The following SEPTIN9 variants were observed in gnomAD, a reference collection of about 807,000 sequenced individuals.
SEPTIN9 encodes septin-9.
In SEPTIN9, 13 loss-of-function variants were observed where a neutral mutation model predicts 56.6. The ratio of observed to expected loss-of-function variants is 0.23; its 90% CI spans 0.15 to 0.37. The LOEUF (loss-of-function observed/expected upper bound fraction) is 0.37. Ranked by LOEUF, SEPTIN9 falls within the 10% of genes least tolerant of loss-of-function variation. The probability of loss-of-function intolerance (pLI) is 1.00; values close to 1 mark genes in which losing one functional copy is unlikely to be tolerated. For missense variants in SEPTIN9, 650 were observed against 823.1 expected, an observed-to-expected ratio of 0.79 and a Z score of 2.57; for synonymous variants, 332 against 334.1, an observed-to-expected ratio of 0.99 and a Z score of 0.07.
intron 4 of SEPTIN9, chr17:77,482,708 A>G (rs1174468115): frequency 1.7e-6 from 1 of 583,622 alleles, no homozygotes; most frequent in African/African-American, 2.1e-5. Flanking sequence ...CAGGCTCCCC[A>G]CCGCACCCCA....
intron 2 of SEPTIN9, among the ~76,000 whole-genome samples, chr17:77,386,711 A>G (rs1234627362): frequency 6.6e-6 from 1 of 152,130 alleles, no homozygotes; most frequent in Non-Finnish European, 1.5e-5. Context: ...TTCCTGCCCC[A>G]GGGGGCTGGG....
intron 2 of SEPTIN9, among the ~76,000 whole-genome samples, chr17:77,322,444 C>A (rs2032972407): frequency 6.6e-6 from 1 of 152,214 alleles, no homozygotes; most frequent in African/African-American, 2.4e-5. Flanking sequence ...AGAAAACGTA[C>A]ATTTTTAGAA....
chr17:77,370,392 T>C (rs1164587546), intron 2 of SEPTIN9, among the ~76,000 whole-genome samples: 3 of 152,246 alleles, frequency 2.0e-5, no homozygotes, highest in Non-Finnish European at 2.9e-5. Context: ...CTTTCTTTTC[T>C]GTCTCTTAGA....
intron 1 of SEPTIN9, among the ~76,000 whole-genome samples, chr17:77,297,166 G>T (rs1001739966): frequency 2.0e-5 from 3 of 152,166 alleles, no homozygotes; most frequent in Admixed American, 2.0e-4. Context: ...GCCCAGGAAA[G>T]CCAGTATCGT....
In SEPTIN9 at chr17:77,475,406, G is replaced by T; in HGVS notation, c.722-6738G>T. The T allele has an allele frequency of 2.1e-6, 3 of 1,459,422 alleles. No individual in the cohort carries two copies. The highest frequency in any genetic ancestry group is 9.0e-7 in the Non-Finnish European group (1 of 1,112,904). 90.4% of individuals were successfully genotyped at this position (1,459,422 alleles called of 1,614,324 possible). A position where few individuals can be genotyped will look rare whatever the true frequency, so the allele number is the denominator to read the frequency against. The stretch of plus-strand genomic sequence containing the variant: ...TAGGAGAGGAGGAGGGAGCAGCCCT[G>T]GCCGGACACTGTCCTCCTAGCATTG... On this transcript the variant is annotated intron_variant, in intron 3 of 11. Coordinates refer to ENST00000427177, the MANE Select transcript of SEPTIN9 (RefSeq NM_001113491.2). This position sits in a 1 kb window ranked among gnomAD's most constrained non-coding sequence, Gnocchi z 4.6.
intron 1 of SEPTIN9, among the ~76,000 whole-genome samples, chr17:77,306,756 C>T (rs867645169): frequency 3.9e-5 from 6 of 152,252 alleles, no homozygotes; most frequent in Non-Finnish European, 8.8e-5. Flanking sequence ...CCAGCAGAGA[C>T]ACGCTTGGGT....
rs1332193062 is a variant in SEPTIN9 at position 77,389,564 on chromosome 17, A to G, written c.77-12495A>G. ...CTCGCTCCTGCCTTCAGCGACAGCC[A>G]TTTATCAGGGAGTCTTTGACCCAAG... On this transcript the variant is annotated intron_variant, in intron 2 of 11. Coordinates refer to ENST00000427177, the MANE Select transcript of SEPTIN9 (RefSeq NM_001113491.2). This position sits in a 1 kb window ranked among gnomAD's most constrained non-coding sequence, Gnocchi z 4.3. 6.6e-6 allele frequency among the ~76,000 whole-genome samples: 1 copy of G among 152,062 alleles called. No individual in the cohort carries two copies. The highest frequency in any genetic ancestry group is 2.4e-5 in the African/African-American group (1 of 41,406).
rs1598373771 is a variant in SEPTIN9 at position 77,436,919 on chromosome 17, A to C, written c.721+34216A>C. Reference sequence around the variant, plus strand: ...AAGCATTGGGAAGCTGGGATTTAGAAGCATTGTTTGGGGTGGTGAGTGGAA... The same window carrying C: ...AAGCATTGGGAAGCTGGGATTTAGACGCATTGTTTGGGGTGGTGAGTGGAA... On this transcript the variant is annotated intron_variant, in intron 3 of 11. Transcript: ENST00000427177. The surrounding 1 kb of genome is among the most constrained non-coding windows in gnomAD (Gnocchi z 4.4). 6.6e-6 allele frequency among the ~76,000 whole-genome samples: 1 copy of C among 152,222 alleles called. No homozygotes were observed. Among genetic ancestry groups the C allele is most frequent in the Non-Finnish European group, 1.5e-5 (1 of 68,030 alleles).
At chr17:77,411,368 G>A (rs1183701953) in intron 3 of SEPTIN9, among the ~76,000 whole-genome samples, 1 of 151,046 alleles carries the variant, frequency 6.6e-6, no homozygotes, top group Admixed American at 6.6e-5. Flanking sequence ...GTTGCCACTT[G>A]TAGATGTAGC....
At position 77,421,167 on chromosome 17, in the gene SEPTIN9, G is replaced by A. The variant is rs1251162446; in HGVS notation, c.721+18464G>A. 7.2e-5 allele frequency among the ~76,000 whole-genome samples: 11 copies of A among 152,292 alleles called. No homozygotes were observed. In the East Asian group the frequency reaches 1.9e-3, roughly 27 times the overall value. ...GACTTTGGCTGGATGCCAGGAGCCC[G>A]AGACCTTCCAGCTCTTTCCTGTGTA... On this transcript the variant is annotated intron_variant, in intron 3 of 11. Transcript: ENST00000427177. This position sits in a 1 kb window ranked among gnomAD's most constrained non-coding sequence, Gnocchi z 4.6.
chr17:77,454,372 C>G, intron 3 of SEPTIN9: 2 of 985,538 alleles, frequency 2.0e-6, no homozygotes, highest in Non-Finnish European at 2.4e-6. Context: ...AGGTAGGGAC[C>G]TGTTCCCGGA....
intron 7 of SEPTIN9, among the ~76,000 whole-genome samples, chr17:77,489,573 G>A (rs1472608603): frequency 2.0e-5 from 3 of 152,162 alleles, no homozygotes. Context: ...GCCGTGGGTG[G>A]CTTGTCTGCA....
At chr17:77,297,518 C>T (rs528048583) in intron 1 of SEPTIN9, among the ~76,000 whole-genome samples, 9 of 152,288 alleles carry the variant, frequency 5.9e-5, no homozygotes, top group African/African-American at 1.7e-4. Context: ...TGACACCTGC[C>T]GTCAGCCACC....
intron 10 of SEPTIN9, among the ~76,000 whole-genome samples, chr17:77,495,702 G>A (rs116120529): frequency 2.0e-3 from 301 of 152,336 alleles, no homozygotes; most frequent in African/African-American, 6.7e-3. Context: ...TTAGATGAGA[G>A]TGCTGCTGGT....
chr17:77,400,025 G>A lies in SEPTIN9; in HGVS notation c.77-2034G>A, dbSNP rs2035850033. 6.6e-6 allele frequency among the ~76,000 whole-genome samples: 1 copy of A among 152,150 alleles called. No individual in the cohort carries two copies. Among genetic ancestry groups the A allele is most frequent in the South Asian group, 2.1e-4 (1 of 4,828 alleles). On this transcript the variant is annotated intron_variant, in intron 2 of 11. Transcript: ENST00000427177. This position sits in a 1 kb window ranked among gnomAD's most constrained non-coding sequence, Gnocchi z 4.1. ...GACAGAGTCTCGCTCTGTCAGTCAG[G>A]CTGAGTGCAGTGACACGATCTCAGC...
At chr17:77,458,717 C>T (rs114810792) in intron 3 of SEPTIN9, among the ~76,000 whole-genome samples, 3,212 of 152,168 alleles carry the variant, frequency 0.021, 77 homozygotes, top group African/African-American at 0.06. Context: ...GGCTGAGTGG[C>T]GGGCGGGAAG....
At chr17:77,462,458 AT>A (rs1403473363) in intron 3 of SEPTIN9, among the ~76,000 whole-genome samples, 2 of 151,192 alleles carry the variant, frequency 1.3e-5, no homozygotes, top group Admixed American at 1.3e-4. Flanking sequence ...CTAATTTTTT[AT>A]TTTTTGTAGA....
chr17:77,281,650 A>G (rs1013778177), intron 1 of SEPTIN9, 96 bp downstream of exon 1: 79 of 1,215,312 alleles, frequency 6.5e-5, no homozygotes, highest in Non-Finnish European at 8.5e-5. Flanking sequence ...GCGCCCCCGG[A>G]GCTGAGCGAG....
intron 3 of SEPTIN9, among the ~76,000 whole-genome samples, chr17:77,415,593 A>C (rs1412114500): frequency 6.7e-6 from 1 of 148,554 alleles, no homozygotes; most frequent in Admixed American, 6.9e-5. Flanking sequence ...GCGCCACTGC[A>C]CTCCAGCCTG....
Sources: gnomAD v4.1 joint callset for allele counts (sites outside exome capture counted in the v4.1 genomes callset) on GRCh38, gnomAD v4.1.1 for gene constraint, Gnocchi (gnomAD v3.1) non-coding constraint, MANE v1.5 for transcripts, NCBI Gene and HGNC (gene_info 2026-07-23, HGNC 2026-07-21) for gene names.